The following DIAPH3 variants were observed in gnomAD, a reference collection of about 807,000 sequenced individuals.
The protein encoded by DIAPH3 is diaphanous related formin 3.
A neutral mutation model predicts 144.3 loss-of-function variants in DIAPH3; 117 were observed. The ratio of observed to expected loss-of-function variants is 0.81; its 90% CI spans 0.70 to 0.95. DIAPH3 has a LOEUF of 0.95. DIAPH3 is among the 40% of genes least tolerant of loss of function. The pLI, the probability that DIAPH3 is intolerant of heterozygous loss-of-function variation, is 0.00. For synonymous variants in DIAPH3, 519 were observed against 488.9 expected, an observed-to-expected ratio of 1.06 and a Z score of -0.81; for missense variants, 1,421 against 1,412.7, an observed-to-expected ratio of 1.01 and a Z score of -0.09.
chr13:59,776,467 G>A (rs1249924607), intron 25 of DIAPH3, among the ~76,000 whole-genome samples: 1 of 151,540 alleles, frequency 6.6e-6, no homozygotes, highest in Non-Finnish European at 1.5e-5. Flanking sequence ...AAAACTGCAG[G>A]TAATGTCAAA....
chr13:59,873,172 A>G (rs1210258884), intron 21 of DIAPH3, among the ~76,000 whole-genome samples: 1 of 152,216 alleles, frequency 6.6e-6, no homozygotes, highest in Admixed American at 6.5e-5. Context: ...TAAAATAAGA[A>G]TGGCATTTGT....
chr13:59,772,531 C>T (rs1355780353), intron 27 of DIAPH3, among the ~76,000 whole-genome samples: 2 of 151,958 alleles, frequency 1.3e-5, no homozygotes, highest in African/African-American at 2.4e-5. Flanking sequence ...AAATGCAATG[C>T]TCATCTGCTA....
chr13:59,996,350 G>A (rs1019792052), intron 9 of DIAPH3, among the ~76,000 whole-genome samples: 1 of 152,038 alleles, frequency 6.6e-6, no homozygotes, highest in African/African-American at 2.4e-5. Context: ...CTTATCTCTA[G>A]GTGTTATGGA....
At chr13:59,706,532 T>C (rs1163214255) in intron 27 of DIAPH3, among the ~76,000 whole-genome samples, 1 of 152,236 alleles carries the variant, frequency 6.6e-6, no homozygotes. Flanking sequence ...TGGCTGCTCG[T>C]AAAGGTGATT....
intron 1 of DIAPH3, among the ~76,000 whole-genome samples, chr13:60,151,133 GGAA>G (rs1415516989): frequency 2.0e-5 from 3 of 151,656 alleles, no homozygotes; most frequent in Non-Finnish European, 4.4e-5. Flanking sequence ...GTAGGAAGCA[GGAA>G]GAAGAGGTTA....
chr13:59,666,976 A>G (rs1268031117), intron 27 of DIAPH3, 130 bp from the exon 28 acceptor site: 1 of 1,103,258 alleles, frequency 9.1e-7, no homozygotes, highest in Non-Finnish European at 1.3e-6. Flanking sequence ...AAACAAAGAA[A>G]CAGTCAACAG....
intron 4 of DIAPH3, among the ~76,000 whole-genome samples, chr13:60,070,077 C>T (rs1381374569): frequency 6.6e-6 from 1 of 151,970 alleles, no homozygotes; most frequent in African/African-American, 2.4e-5. Flanking sequence ...GGCAGTATGG[C>T]CATTTTAACA....
intron 25 of DIAPH3, among the ~76,000 whole-genome samples, chr13:59,810,217 T>G (rs898781521): frequency 6.6e-6 from 1 of 152,126 alleles, no homozygotes; most frequent in African/African-American, 2.4e-5. Context: ...TGGAGTGCAG[T>G]GTCAAGATCA....
At chr13:59,888,883 T>A (rs1456775321) in intron 20 of DIAPH3, among the ~76,000 whole-genome samples, 1 of 152,066 alleles carries the variant, frequency 6.6e-6, no homozygotes, top group Non-Finnish European at 1.5e-5. Context: ...GGTATTTTTT[T>A]AACACCTTTC....
intron 24 of DIAPH3, among the ~76,000 whole-genome samples, chr13:59,819,795 C>T (rs1235852573): frequency 6.6e-6 from 1 of 150,958 alleles, no homozygotes; most frequent in Admixed American, 6.6e-5. Context: ...GAGCTTATTG[C>T]TGCATATTAT....
At chr13:59,967,747 A>C (rs560742482) in intron 17 of DIAPH3, among the ~76,000 whole-genome samples, 1 of 152,254 alleles carries the variant, frequency 6.6e-6, no homozygotes, top group Admixed American at 6.5e-5. Flanking sequence ...TCCTCAAATA[A>C]TGCTTTCTAG....
At chr13:59,743,565 C>T (rs566342184) in intron 27 of DIAPH3, among the ~76,000 whole-genome samples, 22 of 152,184 alleles carry the variant, frequency 1.4e-4, no homozygotes, top group Admixed American at 1.2e-3. Context: ...AAACTAAGAA[C>T]GGCCAAGAAA....
In DIAPH3 at chr13:60,105,111, A is replaced by AC. The variant is rs755455815; in HGVS notation, c.390+6898_390+6899insG. Among the ~76,000 whole-genome samples the AC allele has an allele frequency of 9.1e-3, 1,356 of 149,170 alleles. 42 individuals carry two copies. Among genetic ancestry groups the AC allele is most frequent in the South Asian group, 0.017 (79 of 4,698 alleles). On this transcript the variant is annotated intron_variant, in intron 3 of 27. Transcript: ENST00000400324. ...TGAGACACGATCTCAAAAAAAAAAA[A>AC]AAAAAAAAAAAAAACTGCCAGTGAT...
chr13:59,888,198 C>T (rs1360375440), intron 20 of DIAPH3, among the ~76,000 whole-genome samples: 1 of 151,876 alleles, frequency 6.6e-6, no homozygotes, highest in East Asian at 1.9e-4. Flanking sequence ...GGGCAGAGTC[C>T]TCATGAATGG....
chr13:59,809,228 G>A (rs1379831055), intron 25 of DIAPH3, among the ~76,000 whole-genome samples: 1 of 152,194 alleles, frequency 6.6e-6, no homozygotes, highest in Admixed American at 6.5e-5. Context: ...CAGGCTGGGA[G>A]CAGTGGCTCA....
intron 17 of DIAPH3, among the ~76,000 whole-genome samples, chr13:59,934,391 T>C (rs561370228): frequency 2.0e-4 from 30 of 152,304 alleles, no homozygotes; most frequent in African/African-American, 5.8e-4. Context: ...AAAATAAGTA[T>C]ATCTGAATAA....
chr13:59,940,429 A>G (rs2140377900), intron 17 of DIAPH3, among the ~76,000 whole-genome samples: 2 of 152,314 alleles, frequency 1.3e-5, no homozygotes, highest in Admixed American at 1.3e-4. Flanking sequence ...TACACCAACA[A>G]GCCAACGCAG....
chr13:59,921,764 G>C (rs1336887160), intron 18 of DIAPH3, among the ~76,000 whole-genome samples: 1 of 151,928 alleles, frequency 6.6e-6, no homozygotes, highest in Admixed American at 6.6e-5. Context: ...ACCAAAACCT[G>C]CAAGAATGCA....
chr13:59,817,376 T>C (rs1426888114), intron 24 of DIAPH3, among the ~76,000 whole-genome samples: 1 of 151,924 alleles, frequency 6.6e-6, no homozygotes, highest in East Asian at 1.9e-4. Context: ...GGCTATGTTA[T>C]TAGGCACATA....
Sources: gnomAD v4.1 joint callset for allele counts (sites outside exome capture counted in the v4.1 genomes callset) on GRCh38, gnomAD v4.1.1 for gene constraint, MANE v1.5 for transcripts, NCBI Gene and HGNC (gene_info 2026-07-23, HGNC 2026-07-21) for gene names.